HCN1: variants seen among roughly 807,000 people sequenced by gnomAD.
The protein encoded by HCN1 is potassium/sodium hyperpolarization-activated cyclic nucleotide-gated channel 1.
In HCN1, 13 loss-of-function variants were observed where a neutral mutation model predicts 78.9. The ratio of observed to expected loss-of-function variants is 0.16; its 90% CI spans 0.11 to 0.26. The LOEUF (loss-of-function observed/expected upper bound fraction) is 0.26, where lower values mean the gene tolerates loss of function less well. HCN1 is among the 10% of genes least tolerant of loss of function. The probability of loss-of-function intolerance (pLI) is 1.00; values close to 1 mark genes in which losing one functional copy is unlikely to be tolerated. For missense variants in HCN1, 810 were observed against 1,154.3 expected, an observed-to-expected ratio of 0.70 and a Z score of 4.32; for synonymous variants, 552 against 455.5, an observed-to-expected ratio of 1.21 and a Z score of -2.70.
intron 1 of HCN1, among the ~76,000 whole-genome samples, chr5:45,659,968 T>G (rs1745890879): frequency 6.8e-6 from 1 of 146,018 alleles, no homozygotes; most frequent in African/African-American, 2.6e-5. Flanking sequence ...ACAAAGATAC[T>G]CCTCGGGAAG....
chr5:45,345,525 C>A (rs1746683677), intron 5 of HCN1, among the ~76,000 whole-genome samples: 1 of 152,072 alleles, frequency 6.6e-6, no homozygotes, highest in Non-Finnish European at 1.5e-5. Context: ...ACTTTTTTTC[C>A]ACTAGATACC....
rs192558807 is a variant in HCN1, at chr5:45,355,760, G to C, written c.1231-2514C>G. 1.6e-3 allele frequency among the ~76,000 whole-genome samples: 247 copies of C among 151,970 alleles called. 1 individual carries two copies. The highest frequency in any genetic ancestry group is 5.6e-3 in the African/African-American group (233 of 41,504). On this transcript the variant is annotated intron_variant, in intron 4 of 7. Coordinates refer to ENST00000303230, the MANE Select transcript of HCN1 (RefSeq NM_021072.4). The stretch of plus-strand genomic sequence containing the variant: ...CTGAGCCAGGAGACTGATTAATTAA[G>C]GGTACTGTTAATACCTGCCAAGATG...
At chr5:45,571,538 A>C (rs1201575911) in intron 2 of HCN1, among the ~76,000 whole-genome samples, 4 of 152,184 alleles carry the variant, frequency 2.6e-5, no homozygotes, top group Admixed American at 2.6e-4. Flanking sequence ...CTTCATGGGA[A>C]TTTTGAGTTA....
In HCN1 at chr5:45,396,501, A is replaced by G; in HGVS notation, c.1221T>C (p.Tyr407=). 1 of 1,613,250 alleles carries G rather than the reference A, an allele frequency of 6.2e-7. No individual in the cohort carries two copies. Among genetic ancestry groups the G allele is most frequent in the South Asian group, 1.1e-5 (1 of 91,044 alleles). ...AAATAAAACAAATTACCTTCTCTTGATACTGCCGCCTCGAAGAATCCAGAG... is the reference window on the plus strand; with the variant it reads ...AAATAAAACAAATTACCTTCTCTTGGTACTGCCGCCTCGAAGAATCCAGAG... ...IQSLDSSRRQ[Y]QEKYKQVEQY... The change falls in exon 4 of 8, where the codon TAT becomes TAC. Residue 407 remains tyrosine, a synonymous_variant. Coordinates refer to ENST00000303230, the MANE Select transcript of HCN1 (RefSeq NM_021072.4).
In HCN1 at chr5:45,315,763, C is replaced by G. The variant is rs541653936; in HGVS notation, c.1378-11924G>C. On this transcript the variant is annotated intron_variant, in intron 5 of 7. Coordinates refer to ENST00000303230, the MANE Select transcript of HCN1 (RefSeq NM_021072.4). ...ACCGATCCCACAGAAATACAGACTA[C>G]CATCAGAGAATACTATAAACACCTC... Among the ~76,000 whole-genome samples, 5 of 152,220 alleles carry G rather than the reference C, an allele frequency of 3.3e-5. No individual in the cohort carries two copies. The South Asian group carries it at 8.3e-4, about 25-fold the overall frequency.
chr5:45,436,337 T>G (rs1443030034), intron 3 of HCN1, among the ~76,000 whole-genome samples: 3 of 152,176 alleles, frequency 2.0e-5, no homozygotes. Context: ...GCTCCAGATG[T>G]TCTTAGCTCA....
At chr5:45,664,373 G>A (rs1178761557) in intron 1 of HCN1, among the ~76,000 whole-genome samples, 4 of 144,118 alleles carry the variant, frequency 2.8e-5, no homozygotes, top group African/African-American at 7.8e-5. Flanking sequence ...CACGTTAGTG[G>A]GTGCAGCGCA....
intron 2 of HCN1, among the ~76,000 whole-genome samples, chr5:45,640,597 G>A (rs987468230): frequency 1.4e-5 from 2 of 147,042 alleles, no homozygotes; most frequent in Non-Finnish European, 3.0e-5. Flanking sequence ...TTTTTTTGAC[G>A]GAGTTTCACT....
At chr5:45,675,826 A>G (rs547780264) in intron 1 of HCN1, among the ~76,000 whole-genome samples, 1 of 151,994 alleles carries the variant, frequency 6.6e-6, no homozygotes, top group East Asian at 1.9e-4. Flanking sequence ...GTGTGAATAT[A>G]CTTCAATCTA....
At chr5:45,576,714 T>C (rs1021919964) in intron 2 of HCN1, 3 of 152,154 alleles carry the variant, frequency 2.0e-5, no homozygotes, top group Admixed American at 6.6e-5. Flanking sequence ...TACAGTATAG[T>C]GTAAACATAA....
At chr5:45,616,141 C>A (rs1399272381) in intron 2 of HCN1, among the ~76,000 whole-genome samples, 1 of 150,136 alleles carries the variant, frequency 6.7e-6, no homozygotes, top group Admixed American at 6.7e-5. Flanking sequence ...GGAAGACTGG[C>A]AGTTCATACA....
intron 2 of HCN1, among the ~76,000 whole-genome samples, chr5:45,589,464 G>A (rs1389950244): frequency 1.3e-5 from 2 of 152,172 alleles, no homozygotes; most frequent in African/African-American, 4.8e-5. Context: ...GACAAGTAAA[G>A]GTCATAGCCC....
chr5:45,339,812 G>C (rs775950431), intron 5 of HCN1, among the ~76,000 whole-genome samples: 8 of 152,172 alleles, frequency 5.3e-5, no homozygotes, highest in Non-Finnish European at 8.8e-5. Context: ...GGAAATAAAA[G>C]GTTTGTCAGA....
intron 4 of HCN1, among the ~76,000 whole-genome samples, chr5:45,395,846 T>C (rs922673108): frequency 3.3e-5 from 5 of 151,200 alleles, no homozygotes; most frequent in African/African-American, 1.2e-4. Context: ...ATTCTTCATG[T>C]GGGAAAAAAA....
At chr5:45,429,857 C>A (rs1740427694) in intron 3 of HCN1, among the ~76,000 whole-genome samples, 1 of 151,928 alleles carries the variant, frequency 6.6e-6, no homozygotes, top group Admixed American at 6.6e-5. Flanking sequence ...CTTCAAACAA[C>A]ATAGGAAAGT....
intron 2 of HCN1, among the ~76,000 whole-genome samples, chr5:45,604,159 G>T (rs1018867481): frequency 2.6e-5 from 4 of 152,050 alleles, no homozygotes; most frequent in Non-Finnish European, 5.9e-5. Flanking sequence ...TAACCCAGCT[G>T]CCAATAATTT....
At chr5:45,603,909 T>C (rs575123685) in intron 2 of HCN1, among the ~76,000 whole-genome samples, 241 of 152,232 alleles carry the variant, frequency 1.6e-3, no homozygotes, top group African/African-American at 5.6e-3. Context: ...AAATACGGTG[T>C]TTATTATTGA....
intron 2 of HCN1, among the ~76,000 whole-genome samples, chr5:45,629,927 T>A (rs758019026): frequency 6.6e-6 from 1 of 152,172 alleles, no homozygotes; most frequent in Non-Finnish European, 1.5e-5. Context: ...AATGGAGTAA[T>A]GTAAATTCCT....
At chr5:45,601,105 A>T (rs1391147123) in intron 2 of HCN1, among the ~76,000 whole-genome samples, 1 of 152,144 alleles carries the variant, frequency 6.6e-6, no homozygotes, top group Non-Finnish European at 1.5e-5. Context: ...AAAATGGAAA[A>T]TGCTTCTGCA....
Sources: allele counts gnomAD v4.1 joint callset (sites outside exome capture counted in the v4.1 genomes callset), GRCh38; gene constraint gnomAD v4.1.1; transcripts MANE v1.5; gene names NCBI Gene and HGNC (gene_info 2026-07-23, HGNC 2026-07-21).